The following FTO variants were observed in gnomAD, a reference collection of about 807,000 sequenced individuals.
The protein encoded by FTO is FTO alpha-ketoglutarate dependent dioxygenase, also known as alpha-ketoglutarate-dependent dioxygenase FTO.
In FTO, 47 loss-of-function variants were observed where a neutral mutation model predicts 63.9. The ratio of observed to expected loss-of-function variants is 0.74; its 90% CI spans 0.58 to 0.94. FTO has a LOEUF of 0.94. Among genes scored for constraint, FTO ranks in the 40% least tolerant of loss-of-function variants. FTO has a pLI of 0.00. For missense variants in FTO, 562 were observed against 618.1 expected (o/e 0.91, Z 0.96); for synonymous variants, 207 against 224.4 (o/e 0.92, Z 0.69).
intron 8 of FTO, among the ~76,000 whole-genome samples, chr16:53,976,323 T>C (rs1396639397): frequency 6.6e-6 from 1 of 152,180 alleles, no homozygotes; most frequent in Non-Finnish European, 1.5e-5. Context: ...TGAGTAGGGA[T>C]TAACTTTATT....
At chr16:53,888,109 T>C (rs746487371) in intron 6 of FTO, among the ~76,000 whole-genome samples, 6 of 152,106 alleles carry the variant, frequency 3.9e-5, no homozygotes, top group Non-Finnish European at 8.8e-5. Flanking sequence ...TTGATTGACT[T>C]ATAGTTTCCT....
intron 7 of FTO, among the ~76,000 whole-genome samples, chr16:53,898,411 T>C (rs761656874): frequency 6.6e-6 from 1 of 152,180 alleles, no homozygotes; most frequent in Non-Finnish European, 1.5e-5. Context: ...ACTCTCTCAT[T>C]GTAGCAGGGC....
intron 7 of FTO, among the ~76,000 whole-genome samples, chr16:53,927,378 G>A (rs186113366): frequency 1.3e-5 from 2 of 152,272 alleles, no homozygotes; most frequent in African/African-American, 4.8e-5. Flanking sequence ...GAAATACGGT[G>A]GAAGGAGAGC....
At chr16:53,749,668 T>A (rs62048373) in intron 1 of FTO, among the ~76,000 whole-genome samples, 11,979 of 152,088 alleles carry the variant, frequency 0.079, 562 homozygotes, top group Middle Eastern at 0.14. Context: ...CTCGATCTCC[T>A]GACCTCGTGA....
At chr16:54,096,867 G>A (rs900599117) in intron 8 of FTO, among the ~76,000 whole-genome samples, 1 of 152,168 alleles carries the variant, frequency 6.6e-6, no homozygotes, top group Non-Finnish European at 1.5e-5. Context: ...TTAGAGGCTA[G>A]GAGTTTAAGA....
chr16:53,912,067 C>T (rs1417463228), intron 7 of FTO, among the ~76,000 whole-genome samples: 1 of 152,202 alleles, frequency 6.6e-6, no homozygotes, highest in African/African-American at 2.4e-5. Flanking sequence ...AAGAAACTGT[C>T]CCCCAAAGGG....
At chr16:53,789,842 C>A (rs1285088597) in intron 1 of FTO, among the ~76,000 whole-genome samples, 1 of 145,900 alleles carries the variant, frequency 6.9e-6, no homozygotes, top group African/African-American at 2.5e-5. Flanking sequence ...ATGTATATTC[C>A]AGACAAATTA....
At chr16:54,018,384 T>TAGATAGATA (rs1555502652) in intron 8 of FTO, among the ~76,000 whole-genome samples, 75 of 93,450 alleles carry the variant, frequency 8.0e-4, no homozygotes, top group African/African-American at 5.0e-3. Context: ...GATAGATAGA[T>TAGATAGATA]GATAGATAGA....
chr16:53,879,013 C>T (rs532817300), intron 5 of FTO, among the ~76,000 whole-genome samples: 97 of 152,268 alleles, frequency 6.4e-4, no homozygotes, highest in Non-Finnish European at 1.0e-3. Flanking sequence ...CATTTTTCCC[C>T]GCTGTCATTA....
chr16:53,979,747 C>CT (rs1466887894), intron 8 of FTO, among the ~76,000 whole-genome samples: 1 of 152,166 alleles, frequency 6.6e-6, no homozygotes, highest in Non-Finnish European at 1.5e-5. Flanking sequence ...ACCAAAGTCT[C>CT]TGTACATCTC....
intron 8 of FTO, among the ~76,000 whole-genome samples, chr16:54,081,273 C>G (rs559337536): frequency 3.5e-4 from 54 of 152,308 alleles, no homozygotes; most frequent in African/African-American, 1.3e-3. Flanking sequence ...GCCCTACCCC[C>G]TTTCCAAAGA....
chr16:53,966,308 A>G lies in FTO; in HGVS notation c.1364+32199A>G, dbSNP rs139841196. On this transcript the variant is annotated intron_variant, in intron 8 of 8. Transcript: ENST00000471389. ...TACCATCATTAAAATAAGTAAATCC[A>G]TAGTGCTATTAATCTTGGAACATTC... 9.5e-4 allele frequency among the ~76,000 whole-genome samples: 144 copies of G among 152,342 alleles called. 1 individual carries two copies. The highest frequency in any genetic ancestry group is 3.2e-3 in the African/African-American group (134 of 41,574).
Position 54,044,947 on chromosome 16 carries a change from G to T in FTO, c.1365-66815G>T, listed in dbSNP as rs1160676962. 4.7e-5 allele frequency among the ~76,000 whole-genome samples: 5 copies of T among 107,396 alleles called. 1 individual carries two copies. The highest frequency in any genetic ancestry group is 8.3e-5 in the Non-Finnish European group (5 of 60,256). The allele number at this position is 107,396 out of a possible 152,430, so 70.5% of individuals were successfully genotyped here. A position where few individuals can be genotyped will look rare whatever the true frequency, so the allele number is the denominator to read the frequency against. The stretch of plus-strand genomic sequence containing the variant: ...CACCACATAACAGAATCTCTGGGAC[G>T]CATTCAAAGCAGTGTGTAGAGGGAA... On this transcript the variant is annotated intron_variant, in intron 8 of 8. Transcript: ENST00000471389.
chr16:53,716,594 G>C (rs979692750), intron 1 of FTO, among the ~76,000 whole-genome samples: 1 of 151,720 alleles, frequency 6.6e-6, no homozygotes, highest in African/African-American at 2.4e-5. Flanking sequence ...GCTATATAAG[G>C]TTATTATTAT....
chr16:53,934,008 T>G lies in FTO; in HGVS notation c.1263T>G (p.Val421=). ...AGACAAATGCTGTGCTTCATGAAGT[T>G]AAAAGAGAGGGGCTCCCCGTGGAAC... ...EGVTNAVLHE[V]KREGLPVEQR... Residue 421 remains valine, a synonymous_variant, in exon 8 of 9, where the codon GTT becomes GTG. Transcript: ENST00000471389. 1 of 1,614,078 alleles carries G rather than the reference T, an allele frequency of 6.2e-7. No individual in the cohort carries two copies.
At chr16:53,920,727 C>T (rs1347922313) in intron 7 of FTO, among the ~76,000 whole-genome samples, 1 of 152,036 alleles carries the variant, frequency 6.6e-6, no homozygotes, top group Non-Finnish European at 1.5e-5. Flanking sequence ...AATGGAGATG[C>T]TTGATATATG....
At chr16:53,917,199 T>C (rs2081891515) in intron 7 of FTO, among the ~76,000 whole-genome samples, 1 of 152,186 alleles carries the variant, frequency 6.6e-6, no homozygotes, top group Admixed American at 6.5e-5. Flanking sequence ...ATGAGTTTGC[T>C]GAAGATACCA....
At chr16:53,718,877 G>A (rs1445473326) in intron 1 of FTO, among the ~76,000 whole-genome samples, 2 of 152,152 alleles carry the variant, frequency 1.3e-5, no homozygotes, top group African/African-American at 2.4e-5. Context: ...AAAGTAAGAT[G>A]GGTCAGTATC....
At chr16:53,999,075 G>C (rs1414296605) in intron 8 of FTO, among the ~76,000 whole-genome samples, 1 of 152,186 alleles carries the variant, frequency 6.6e-6, no homozygotes, top group Non-Finnish European at 1.5e-5. Context: ...TAGGGTCCCA[G>C]GTCTGACAGC....
Sources: gnomAD v4.1 joint callset for allele counts (sites outside exome capture counted in the v4.1 genomes callset) on GRCh38, gnomAD v4.1.1 for gene constraint, MANE v1.5 for transcripts, NCBI Gene and HGNC (gene_info 2026-07-23, HGNC 2026-07-21) for gene names.